SKA2: variants seen among roughly 807,000 people sequenced by gnomAD.
SKA2 encodes spindle and kinetochore-associated protein 2.
In SKA2, 13 loss-of-function variants were observed where a neutral mutation model predicts 16.9. That is an observed-to-expected ratio of 0.77 (90% CI 0.50 to 1.22). The LOEUF is 1.22. Among genes scored for constraint, SKA2 ranks in the 50% most tolerant of loss-of-function variants. The probability of loss-of-function intolerance (pLI) is 0.00; values close to 1 mark genes in which losing one functional copy is unlikely to be tolerated. For missense variants in SKA2, 107 were observed against 139.7 expected, an observed-to-expected ratio of 0.77 and a Z score of 1.18; for synonymous variants, 47 against 48.5, an observed-to-expected ratio of 0.97 and a Z score of 0.13.
chr17:59,119,194 G>A, intron 3 of SKA2, 125 bp downstream of exon 3: 1 of 1,019,998 alleles, frequency 9.8e-7, no homozygotes, highest in Non-Finnish European at 1.4e-6. Flanking sequence ...AGGGTATCAG[G>A]AAAATCTTTC....
chr17:59,124,431 G>GA (rs1296202145), intron 2 of SKA2: 3 of 87,902 alleles, frequency 3.4e-5, no homozygotes, highest in African/African-American at 1.7e-4. Context: ...GACTCTGTCT[G>GA]GGGAAAAAAA....
intron 1 of SKA2, among the ~76,000 whole-genome samples, chr17:59,142,927 CAAAAAAAAAAA>C (rs111796693): frequency 0.054 from 3,251 of 60,328 alleles, 153 homozygotes; most frequent in African/African-American, 0.16. Flanking sequence ...AACCCCATCT[CAAAAAAAAAAA>C]AAAAAAAAAA....
At chr17:59,125,529 C>T (rs997940900) in intron 2 of SKA2, among the ~76,000 whole-genome samples, 4 of 150,792 alleles carry the variant, frequency 2.7e-5, no homozygotes, top group East Asian at 4.1e-4. Flanking sequence ...GGTGAAACCC[C>T]GTCTCTAATA....
chr17:59,125,810 A>T (rs1277828953), intron 2 of SKA2, among the ~76,000 whole-genome samples: 1 of 152,202 alleles, frequency 6.6e-6, no homozygotes, highest in Admixed American at 6.6e-5. Context: ...CTTTTGAAAG[A>T]AACAAAAGGA....
intron 1 of SKA2, among the ~76,000 whole-genome samples, chr17:59,138,889 A>G (rs2046466030): frequency 6.6e-6 from 1 of 152,214 alleles, no homozygotes; most frequent in South Asian, 2.1e-4. Flanking sequence ...CTTGCTTTTT[A>G]CAAACAACCC....
At chr17:59,123,902 A>G (rs776733534) in intron 2 of SKA2, among the ~76,000 whole-genome samples, 1 of 152,214 alleles carries the variant, frequency 6.6e-6, no homozygotes, top group Non-Finnish European at 1.5e-5. Context: ...CAGTGCTAAT[A>G]AGAGGCAGAG....
intron 1 of SKA2, among the ~76,000 whole-genome samples, chr17:59,136,965 T>C (rs1691741763): frequency 6.6e-6 from 1 of 152,212 alleles, no homozygotes; most frequent in African/African-American, 2.4e-5. Flanking sequence ...GACAAAGTTA[T>C]AGATGATATT....
intron 3 of SKA2, among the ~76,000 whole-genome samples, chr17:59,117,690 G>T (rs2046306126): frequency 6.6e-6 from 1 of 150,942 alleles, no homozygotes; most frequent in Admixed American, 6.6e-5. Context: ...CTCCCAAAGT[G>T]CCAAGATTAT....
At chr17:59,145,452 G>A (rs921793116) in intron 1 of SKA2, among the ~76,000 whole-genome samples, 1 of 151,920 alleles carries the variant, frequency 6.6e-6, no homozygotes, top group East Asian at 1.9e-4. Context: ...TCCTTCAGTT[G>A]GCTAATCCCT....
chr17:59,134,068 CTAA>C (rs1287546752), intron 1 of SKA2, among the ~76,000 whole-genome samples: 7 of 152,278 alleles, frequency 4.6e-5, no homozygotes, highest in Admixed American at 2.0e-4. Flanking sequence ...CTTAAAAATA[CTAA>C]TGTTTGTGTC....
chr17:59,141,690 C>T (rs2040703555), intron 1 of SKA2, among the ~76,000 whole-genome samples: 1 of 147,912 alleles, frequency 6.8e-6, no homozygotes, highest in Non-Finnish European at 1.5e-5. Context: ...CATCACTGCA[C>T]TCCAACCTGC....
rs911920048 is a variant in SKA2 at position 59,135,409 on chromosome 17, C to G, written c.34-4042G>C. Among the ~76,000 whole-genome samples, 13 of 150,686 alleles carry G rather than the reference C, an allele frequency of 8.6e-5. 1 individual carries two copies. The highest frequency in any genetic ancestry group is 1.6e-4 in the Non-Finnish European group (11 of 67,732). On this transcript the variant is annotated intron_variant, in intron 1 of 3. Transcript: ENST00000330137. ...TCAGCTCACTGCACCCTCCACCTCC[C>G]GGGTTCAGGCAATTCTCCTGCCTCA...
At chr17:59,147,312 C>G (rs1357318153) in intron 1 of SKA2, among the ~76,000 whole-genome samples, 1 of 150,276 alleles carries the variant, frequency 6.7e-6, no homozygotes, top group Non-Finnish European at 1.5e-5. Context: ...TAATTAAAAG[C>G]CAAAGAGGAA....
chr17:59,144,928 T>C (rs1298713591), intron 1 of SKA2, among the ~76,000 whole-genome samples: 2 of 152,028 alleles, frequency 1.3e-5, no homozygotes, highest in African/African-American at 4.8e-5. Flanking sequence ...TCCCGAGTAG[T>C]TGGGATTACA....
intron 2 of SKA2, among the ~76,000 whole-genome samples, chr17:59,123,562 A>G (rs2046351586): frequency 6.6e-6 from 1 of 151,412 alleles, no homozygotes; most frequent in African/African-American, 2.4e-5. Flanking sequence ...GTCTCAGGAA[A>G]AAAAAAAAAA....
At chr17:59,120,182 A>G (rs1200221507) in intron 2 of SKA2, among the ~76,000 whole-genome samples, 1 of 152,184 alleles carries the variant, frequency 6.6e-6, no homozygotes, top group Admixed American at 6.5e-5. Flanking sequence ...TGCTGGGATT[A>G]CAGGTGTGAG....
At chr17:59,147,051 G>C (rs990881437) in intron 1 of SKA2, among the ~76,000 whole-genome samples, 1 of 151,776 alleles carries the variant, frequency 6.6e-6, no homozygotes, top group Non-Finnish European at 1.5e-5. Context: ...CCAGCTACTA[G>C]GGAGGCTGAG....
At chr17:59,125,352 T>C (rs1390651582) in intron 2 of SKA2, among the ~76,000 whole-genome samples, 3 of 151,960 alleles carry the variant, frequency 2.0e-5, no homozygotes, top group African/African-American at 7.2e-5. Context: ...GTTAATTTTG[T>C]GCCTATAATA....
intron 2 of SKA2, among the ~76,000 whole-genome samples, chr17:59,127,400 T>C (rs1419331468): frequency 6.6e-6 from 1 of 152,186 alleles, no homozygotes; most frequent in Non-Finnish European, 1.5e-5. Context: ...TTTTCTTTTC[T>C]TTTCTTTTGA....
Sources: allele counts gnomAD v4.1 joint callset (sites outside exome capture counted in the v4.1 genomes callset), GRCh38; gene constraint gnomAD v4.1.1; transcripts MANE v1.5; gene names NCBI Gene and HGNC (gene_info 2026-07-23, HGNC 2026-07-21).